Variants in CEP85L observed in about 807,000 individuals in gnomAD.
CEP85L encodes centrosomal protein 85L.
CEP85L carries 60 observed loss-of-function variants against 100.3 expected under a neutral mutation model. The observed-to-expected ratio is 0.60, with a 90% CI of 0.49 to 0.74. The LOEUF is 0.74. CEP85L is among the 30% of genes least tolerant of loss of function. The pLI is 0.00. For synonymous variants in CEP85L, 319 were observed against 322.7 expected (o/e 0.99, Z 0.12); for missense variants, 973 against 936.2 (o/e 1.04, Z -0.51).
At chr6:118,667,622 G>A (rs1312431054) in intron 1 of CEP85L, among the ~76,000 whole-genome samples, 1 of 152,126 alleles carries the variant, frequency 6.6e-6, no homozygotes, top group Non-Finnish European at 1.5e-5. Flanking sequence ...GAAGAAAAAA[G>A]AGCCCTTTTG....
rs553929641 is a variant in CEP85L at position 118,475,280 on chromosome 6, T to A, written c.1914+4591A>T. On this transcript the variant is annotated intron_variant, in intron 10 of 12. Transcript: ENST00000368491. ...AATTGACTATGGTCTTGGTTCCACT[T>A]ATCTGTGAATATATTAAAAAGTATT... is the stretch of plus-strand genomic sequence containing the variant. Among the ~76,000 whole-genome samples the A allele has an allele frequency of 3.9e-5, 6 of 152,170 alleles. No individual in the cohort carries two copies. In the South Asian group the frequency reaches 1.2e-3, roughly 32 times the overall value.
chr6:118,537,700 A>C, intron 3 of CEP85L: 2 of 985,376 alleles, frequency 2.0e-6, no homozygotes, highest in Non-Finnish European at 2.4e-6. Flanking sequence ...GCAGCTGAAA[A>C]TAGTTCAAAA....
intron 3 of CEP85L, among the ~76,000 whole-genome samples, chr6:118,557,052 A>G (rs1778921309): frequency 6.6e-6 from 1 of 152,196 alleles, no homozygotes; most frequent in Non-Finnish European, 1.5e-5. Flanking sequence ...GTAGTGAGAT[A>G]ATAATAATTA....
At chr6:118,477,621 C>A (rs1773481766) in intron 10 of CEP85L, among the ~76,000 whole-genome samples, 1 of 152,012 alleles carries the variant, frequency 6.6e-6, no homozygotes, top group East Asian at 1.9e-4. Flanking sequence ...AAATGCAGTG[C>A]ACCAAATCAA....
intron 2 of CEP85L, among the ~76,000 whole-genome samples, chr6:118,624,868 T>C (rs1325369849): frequency 6.6e-6 from 1 of 152,234 alleles, no homozygotes; most frequent in South Asian, 2.1e-4. Context: ...CAAGTCCATA[T>C]AAGAAACTAG....
chr6:118,683,499 G>A (rs902996848), intron 1 of CEP85L, among the ~76,000 whole-genome samples: 16 of 152,250 alleles, frequency 1.1e-4, no homozygotes, highest in East Asian at 1.9e-4. Context: ...AAACTACAAC[G>A]AATCTTCCTT....
chr6:118,587,866 C>G (rs942062467), intron 2 of CEP85L, among the ~76,000 whole-genome samples: 1 of 152,108 alleles, frequency 6.6e-6, no homozygotes, highest in African/African-American at 2.4e-5. Flanking sequence ...CCCAAGGATG[C>G]CTCTATTATA....
rs561919908 is a variant in CEP85L at position 118,515,880 on chromosome 6, C to T, written c.1140-4465G>A. ...ACATCATCTACATTAGGTATTTCTC[C>T]GAATGCTATCCCTCCCCAAGACCCC... is the stretch of plus-strand genomic sequence containing the variant. On this transcript the variant is annotated intron_variant, in intron 4 of 12. Transcript: ENST00000368491. Among the ~76,000 whole-genome samples the T allele has an allele frequency of 2.0e-5, 3 of 152,190 alleles. No individual in the cohort carries two copies. In the East Asian group the frequency reaches 5.8e-4, roughly 29 times the overall value.
At chr6:118,594,670 C>A (rs1781367548) in intron 2 of CEP85L, among the ~76,000 whole-genome samples, 2 of 151,724 alleles carry the variant, frequency 1.3e-5, no homozygotes, top group East Asian at 3.9e-4. Flanking sequence ...AGATCGAGAC[C>A]ATGGTGAAAC....
At position 118,591,921 on chromosome 6, in the gene CEP85L, T is replaced by C. The variant is rs1489646297; in HGVS notation, c.233-25605A>G. 2.6e-5 allele frequency among the ~76,000 whole-genome samples: 4 copies of C among 152,286 alleles called. No individual in the cohort carries two copies. In the East Asian group the frequency reaches 7.7e-4, roughly 29 times the overall value. On this transcript the variant is annotated intron_variant, in intron 2 of 12. Transcript: ENST00000368491. Reference sequence around the variant, plus strand: ...CAGCAATAACATAAATTAACGAGAATTTAGAGATAAGGAACAAAGTTACTT... The same window carrying C: ...CAGCAATAACATAAATTAACGAGAACTTAGAGATAAGGAACAAAGTTACTT...
intron 3 of CEP85L, 51 bp downstream of exon 3, chr6:118,565,478 G>T: frequency 1.3e-6 from 2 of 1,522,518 alleles, no homozygotes; most frequent in Non-Finnish European, 1.8e-6. Context: ...GTGTGCTACT[G>T]TACTCATAAC....
chr6:118,694,767 G>A (rs1777153021), intron 1 of CEP85L, among the ~76,000 whole-genome samples: 1 of 152,154 alleles, frequency 6.6e-6, no homozygotes, highest in African/African-American at 2.4e-5. Flanking sequence ...AAAAGTGGGG[G>A]CAGATACTAC....
chr6:118,505,712 C>G (rs572532961), intron 5 of CEP85L, among the ~76,000 whole-genome samples: 1 of 152,238 alleles, frequency 6.6e-6, no homozygotes, highest in African/African-American at 2.4e-5. Flanking sequence ...GAGACCATAA[C>G]AAGTTCAGTG....
chr6:118,487,503 T>C lies in CEP85L; in HGVS notation c.1438-3645A>G, dbSNP rs1307475444. On this transcript the variant is annotated intron_variant, in intron 6 of 12. Coordinates refer to ENST00000368491, the MANE Select transcript of CEP85L (RefSeq NM_001042475.3). The stretch of plus-strand genomic sequence containing the variant: ...ATTCCCTTTTTAAGAAATCCAAAAA[T>C]TAGTCAAGAAGCTATTGTACTCTGG... 2.6e-5 allele frequency among the ~76,000 whole-genome samples: 4 copies of C among 151,894 alleles called. No homozygotes were observed. The East Asian group carries it at 5.8e-4, about 22-fold the overall frequency.
chr6:118,501,562 C>T, intron 5 of CEP85L: 1 of 524,154 alleles, frequency 1.9e-6, no homozygotes, highest in Non-Finnish European at 3.7e-6. Flanking sequence ...AAGAAGAGAT[C>T]AAGAACAGTG....
At chr6:118,483,924 CTT>C (rs2114549630) in intron 6 of CEP85L, 66 bp from the exon 7 acceptor site, 1 of 1,427,294 alleles carries the variant, frequency 7.0e-7, no homozygotes, top group South Asian at 1.3e-5. Flanking sequence ...AAAACCAACA[CTT>C]TAATATTAGA....
chr6:118,656,792 T>C (rs1775808405), upstream of CEP85L: 1 of 152,238 alleles, frequency 6.6e-6, no homozygotes, highest in Admixed American at 6.5e-5. Context: ...CTTCTAGCTA[T>C]TTTAAAATAT....
At chr6:118,509,328 A>G (rs185204210) in intron 5 of CEP85L, among the ~76,000 whole-genome samples, 1 of 152,210 alleles carries the variant, frequency 6.6e-6, no homozygotes, top group Admixed American at 6.5e-5. Flanking sequence ...GAGAAATTGA[A>G]CAATTCTACT....
At chr6:118,559,054 A>C in intron 3 of CEP85L, 1 of 1,611,848 alleles carries the variant, frequency 6.2e-7, no homozygotes, top group Non-Finnish European at 8.5e-7. Flanking sequence ...TCTCTTGCTG[A>C]TCTGTATCAT....
Sources: gnomAD v4.1 joint callset for allele counts (sites outside exome capture counted in the v4.1 genomes callset) on GRCh38, gnomAD v4.1.1 for gene constraint, MANE v1.5 for transcripts, NCBI Gene and HGNC (gene_info 2026-07-23, HGNC 2026-07-21) for gene names.